DNASE1: variants seen among roughly 807,000 people sequenced by gnomAD.
DNASE1 encodes the protein deoxyribonuclease 1.
Under a neutral mutation model 33.9 loss-of-function variants are expected in DNASE1, and 40 were observed. That is an observed-to-expected ratio of 1.18 (90% CI 0.92 to 1.54). The LOEUF (loss-of-function observed/expected upper bound fraction) is 1.54, where lower values mean the gene tolerates loss of function less well. Ranked by LOEUF, DNASE1 falls within the 40% of genes most tolerant of loss-of-function variation. The probability of loss-of-function intolerance (pLI) is 0.00; values close to 1 mark genes in which losing one functional copy is unlikely to be tolerated. For synonymous variants in DNASE1, 216 were observed against 160.0 expected (o/e 1.35, Z -2.64); for missense variants, 518 against 372.6 (o/e 1.39, Z -3.21).
intron 1 of DNASE1, among the ~76,000 whole-genome samples, chr16:3,621,208 C>G (rs150577090): frequency 5.3e-5 from 8 of 152,150 alleles, no homozygotes; most frequent in African/African-American, 1.9e-4. Context: ...GCCTCAGTAT[C>G]CCGAGTAGCC....
chr16:3,640,352 T>G (rs1430104330), upstream of DNASE1, among the ~76,000 whole-genome samples: 1 of 152,224 alleles, frequency 6.6e-6, no homozygotes, highest in Non-Finnish European at 1.5e-5. Context: ...GCAGCAGCCT[T>G]GGCCTCCCTG....
chr16:3,649,714 G>C (rs542439775), upstream of DNASE1, among the ~76,000 whole-genome samples: 1 of 152,164 alleles, frequency 6.6e-6, no homozygotes, highest in African/African-American at 2.4e-5. Flanking sequence ...TAGTGGTGCC[G>C]GAGGAGACAG....
Position 3,621,947 on chromosome 16 carries a change from G to A in DNASE1, c.-1359+9941G>A, listed in dbSNP as rs116192253. Among the ~76,000 whole-genome samples, 395 of 152,280 alleles carry A rather than the reference G, an allele frequency of 2.6e-3. 3 individuals carry two copies. Among genetic ancestry groups the A allele is most frequent in the African/African-American group, 9.2e-3 (382 of 41,538 alleles). On this transcript the variant is annotated intron_variant and NMD_transcript_variant, in intron 1 of 11. Transcript: ENST00000570769. ...TCTAAAGAAGCCAAATTGGCCAGGCGTGGTGGCTCATGCCTGTAATGCCAG... is the reference window on the plus strand; with the variant it reads ...TCTAAAGAAGCCAAATTGGCCAGGCATGGTGGCTCATGCCTGTAATGCCAG...
chr16:3,660,103 T>C (rs1176074720), downstream of DNASE1: 1 of 152,144 alleles, frequency 6.6e-6, no homozygotes, highest in African/African-American at 2.4e-5. Context: ...ATTCTTAATA[T>C]GCTAATGTGG....
intron 1 of DNASE1, among the ~76,000 whole-genome samples, chr16:3,634,525 G>T (rs1179460249): frequency 6.6e-6 from 1 of 152,034 alleles, no homozygotes; most frequent in Non-Finnish European, 1.5e-5. Flanking sequence ...ACTGTGCCTG[G>T]CCGAGACAGG....
At chr16:3,662,115 G>A (rs1178539117), downstream of DNASE1, 1 of 1,612,558 alleles carries the variant, frequency 6.2e-7, no homozygotes, top group African/African-American at 1.3e-5. Flanking sequence ...CAGGGTGGGT[G>A]TCCAGTCGGA....
exon 10 of DNASE1, chr16:3,663,924 G>A (rs1488442354): frequency 8.4e-6 from 3 of 359,062 alleles, no homozygotes; most frequent in Admixed American, 4.3e-5. Context: ...TTTGCTGGGT[G>A]TGGTGGTGTG....
At chr16:3,662,343 C>G (rs1380183729), downstream of DNASE1, 5 of 646,556 alleles carry the variant, frequency 7.7e-6, no homozygotes, top group East Asian at 1.4e-4. Flanking sequence ...CCGAGGGGCT[C>G]CACCACCCTG....
Position 3,657,785 on chromosome 16 carries a change from T to A in DNASE1, c.770T>A (p.Phe257Tyr). The change falls in exon 8 of 9, where the codon TTC (phenylalanine) becomes TAC (tyrosine). Residue 257 changes from phenylalanine (F) to tyrosine (Y), a missense_variant. Transcript: ENST00000246949. ...VVPDSALPFN[F>Y]QAAYGLSDQL... ...CCCGACTCGGCTCTTCCCTTTAACT[T>A]CCAGGCTGCCTATGGCCTGAGTGAC... 1.2e-6 allele frequency: 2 copies of A among 1,614,016 alleles called. No individual in the cohort carries two copies. The highest frequency in any genetic ancestry group is 1.7e-6 in the Non-Finnish European group (2 of 1,180,018).
In DNASE1 at chr16:3,656,541, C is replaced by T. The variant is rs186387466; in HGVS notation, c.321-97C>T. On this transcript the variant is annotated intron_variant, in intron 4 of 8. Coordinates refer to ENST00000246949, the MANE Select transcript of DNASE1 (RefSeq NM_005223.4). ...TTGAGCAGGTGCCTGGCTCCCCCGC[C>T]CTCCTGTCGCCTGGGACGCGACGCC... is the stretch of plus-strand genomic sequence containing the variant. 8.2e-4 allele frequency: 779 copies of T among 955,172 alleles called. 8 individuals are homozygous for T. The highest frequency in any genetic ancestry group is 2.2e-4 in the South Asian group (16 of 72,018). 59.2% of individuals were successfully genotyped at this position (955,172 alleles called of 1,614,324 possible). A position where few individuals can be genotyped will look rare whatever the true frequency, so the allele number is the denominator to read the frequency against.
At chr16:3,647,301 A>G (rs2042204162) in intron 1 of DNASE1, among the ~76,000 whole-genome samples, 1 of 139,114 alleles carries the variant, frequency 7.2e-6, no homozygotes, top group Admixed American at 7.6e-5. Context: ...GACAAGGTCT[A>G]GTAGCTCTGT....
chr16:3,664,226 T>A (rs768002695), exon 10 of DNASE1: 2 of 1,488,052 alleles, frequency 1.3e-6, no homozygotes, highest in Non-Finnish European at 1.8e-6. Flanking sequence ...GTCAAGACCC[T>A]CCCCAGGTTG....
chr16:3,640,253 G>C (rs1449698999), upstream of DNASE1, among the ~76,000 whole-genome samples: 1 of 152,180 alleles, frequency 6.6e-6, no homozygotes, highest in Non-Finnish European at 1.5e-5. Flanking sequence ...GCACAGATCT[G>C]TTTTCAGCTA....
Position 3,657,751 on chromosome 16 carries a change from G to T in DNASE1, c.736G>T (p.Ala246Ser), listed in dbSNP as rs8176939. 1 of 1,613,738 alleles carries T rather than the reference G, an allele frequency of 6.2e-7. No individual in the cohort carries two copies. Among genetic ancestry groups the T allele is most frequent in the Admixed American group, 1.7e-5 (1 of 59,990 alleles). ...IVVAGMLLRG[A>S]VVPDSALPFN... is the part of the protein sequence containing the mutation. ...GGTTGCAGGGATGCTGCTCCGAGGC[G>T]CCGTTGTTCCCGACTCGGCTCTTCC... Residue 246 changes from alanine (A) to serine (S), a missense_variant, in exon 8 of 9, where the codon GCC (alanine) becomes TCC (serine). Physicochemically the swap from Ala to Ser is moderately conservative, Grantham distance 99 (BLOSUM62 1). Transcript: ENST00000246949.
chr16:3,618,623 G>A (rs2041192102), intron 1 of DNASE1, among the ~76,000 whole-genome samples: 2 of 152,134 alleles, frequency 1.3e-5, no homozygotes, highest in South Asian at 4.1e-4. Flanking sequence ...CAACTACTCG[G>A]GAGGCTGAGG....
chr16:3,625,800 C>T (rs2041490582), intron 1 of DNASE1, among the ~76,000 whole-genome samples: 1 of 151,942 alleles, frequency 6.6e-6, no homozygotes, highest in African/African-American at 2.4e-5. Context: ...TATAAGGCAC[C>T]ATTAAGAGGG....
chr16:3,641,533 C>G (rs1445773409), upstream of DNASE1, among the ~76,000 whole-genome samples: 1 of 152,172 alleles, frequency 6.6e-6, no homozygotes, highest in Non-Finnish European at 1.5e-5. Context: ...AGCATCTGTC[C>G]TGGAGGCCAT....
At chr16:3,639,522 C>G (rs1446014615), upstream of DNASE1, among the ~76,000 whole-genome samples, 3 of 152,212 alleles carry the variant, frequency 2.0e-5, no homozygotes, top group Non-Finnish European at 4.4e-5. Context: ...ACGTCATCAT[C>G]TAGTGCGTGC....
upstream of DNASE1, chr16:3,653,841 A>AAAAAAAAAAAAG (rs781310896): frequency 8.0e-6 from 1 of 125,056 alleles, no homozygotes. Context: ...AAAAAAAAAA[A>AAAAAAAAAAAAG]CTGAGCATGG....
Sources: gnomAD v4.1 joint callset for allele counts (sites outside exome capture counted in the v4.1 genomes callset) on GRCh38, gnomAD v4.1.1 for gene constraint, MANE v1.5 for transcripts, NCBI Gene and HGNC (gene_info 2026-07-23, HGNC 2026-07-21) for gene names.